Variants in CYB5R3 observed in about 807,000 individuals in gnomAD.
CYB5R3 encodes the protein cytochrome b5 reductase 3, also known as NADH-cytochrome b5 reductase 3.
A neutral mutation model predicts 36.5 loss-of-function variants in CYB5R3; 28 were observed. That is an observed-to-expected ratio of 0.77 (90% CI 0.57 to 1.05). The LOEUF is 1.05. CYB5R3 is among the 50% of genes least tolerant of loss of function. CYB5R3 has a pLI of 0.00. For missense variants in CYB5R3, 474 were observed against 408.9 expected (o/e 1.16, Z -1.37); for synonymous variants, 181 against 159.8 (o/e 1.13, Z -1.00).
Position 42,644,758 on chromosome 22 carries a change from C to T in CYB5R3, c.21+4537G>A, listed in dbSNP as rs1302165867. 4 of 592,970 alleles carry T rather than the reference C, an allele frequency of 6.7e-6. No homozygotes were observed. The Admixed American group carries it at 1.9e-4, about 28-fold the overall frequency. The allele number at this position is 592,970 out of a possible 1,614,324, so 36.7% of individuals were successfully genotyped here. A position where few individuals can be genotyped will look rare whatever the true frequency, so the allele number is the denominator to read the frequency against. The stretch of plus-strand genomic sequence containing the variant: ...AAATCACCATTGTTGGGGGCCCTGG[C>T]AATGAACTTGAATGACATTAGGAGC... On this transcript the variant is annotated intron_variant, in intron 1 of 8. Coordinates refer to ENST00000352397, the MANE Select transcript of CYB5R3 (RefSeq NM_000398.7).
chr22:42,625,058 A>AGGACAG (rs922712694), intron 7 of CYB5R3, among the ~76,000 whole-genome samples: 7 of 152,316 alleles, frequency 4.6e-5, no homozygotes, highest in East Asian at 3.9e-4. Flanking sequence ...TAATGGGGTG[A>AGGACAG]GGACAGGGAC....
intron 1 of CYB5R3, among the ~76,000 whole-genome samples, chr22:42,642,227 C>G (rs2146907283): frequency 6.6e-6 from 1 of 151,752 alleles, no homozygotes; most frequent in East Asian, 1.9e-4. Flanking sequence ...TCCTCCCAGC[C>G]CAGTCCCCGA....
intron 4 of CYB5R3, among the ~76,000 whole-genome samples, chr22:42,628,982 G>A (rs1928462539): frequency 2.0e-5 from 3 of 152,054 alleles, no homozygotes; most frequent in Non-Finnish European, 4.4e-5. Flanking sequence ...GGACAGGCAG[G>A]CAGAGCACAC....
At chr22:42,620,016 A>G (rs1301108230) in intron 8 of CYB5R3, 71 bp from the exon 9 acceptor site, 9 of 1,416,120 alleles carry the variant, frequency 6.4e-6, no homozygotes, top group Non-Finnish European at 3.9e-6. Context: ...GACCAACCCT[A>G]GGCGGTGAAT....
At chr22:42,640,281 G>A (rs2146902435) in intron 1 of CYB5R3, 1 of 1,550,396 alleles carries the variant, frequency 6.4e-7, no homozygotes, top group East Asian at 2.4e-5. Context: ...CCATGGTTCT[G>A]GGATGGAAAG....
At chr22:42,634,610 C>G (rs1475597655) in intron 2 of CYB5R3, among the ~76,000 whole-genome samples, 1 of 149,026 alleles carries the variant, frequency 6.7e-6, no homozygotes, top group Non-Finnish European at 1.5e-5. Context: ...CCACGCCCGG[C>G]TAATTTTCAT....
Position 42,618,014 on chromosome 22 carries a change from A to C in CYB5R3, c.*1759T>G, listed in dbSNP as rs1237744256. 2.6e-5 allele frequency: 4 copies of C among 152,112 alleles called. No homozygotes were observed. The highest frequency in any genetic ancestry group is 4.8e-5 in the African/African-American group (2 of 41,332). The allele number at this position is 152,112 out of a possible 1,614,324, so 9.4% of individuals were successfully genotyped here. A position where few individuals can be genotyped will look rare whatever the true frequency, so the allele number is the denominator to read the frequency against. On this transcript the variant is annotated 3_prime_UTR_variant, in exon 9 of 9. Coordinates refer to ENST00000352397, the MANE Select transcript of CYB5R3 (RefSeq NM_000398.7). ...TGCCCCGTTTTAAGAACAGCCCCAC[A>C]CCCACCTTGCCTCATCACCTCTGTA...
At chr22:42,629,779 C>T (rs1339828781) in intron 4 of CYB5R3, among the ~76,000 whole-genome samples, 6 of 152,156 alleles carry the variant, frequency 3.9e-5, no homozygotes, top group Admixed American at 3.9e-4. Flanking sequence ...CTGCTTCTCA[C>T]CCTCTGTTCT....
chr22:42,641,265 T>A (rs893106914), intron 1 of CYB5R3, among the ~76,000 whole-genome samples: 1 of 152,206 alleles, frequency 6.6e-6, no homozygotes, highest in Non-Finnish European at 1.5e-5. Context: ...TAGTCAATAG[T>A]ATATTAGTAG....
intron 1 of CYB5R3, among the ~76,000 whole-genome samples, chr22:42,643,360 G>C (rs550351956): frequency 6.6e-6 from 1 of 152,146 alleles, no homozygotes; most frequent in South Asian, 2.1e-4. Context: ...CCACCCTCAC[G>C]GGGCCACTAC....
rs147709184 is a variant in CYB5R3 at position 42,621,477 on chromosome 22, G to A, written c.734-1532C>T. Among the ~76,000 whole-genome samples, 737 of 152,260 alleles carry A rather than the reference G, an allele frequency of 4.8e-3. 5 individuals carry two copies. Among genetic ancestry groups the A allele is most frequent in the Non-Finnish European group, 7.7e-3 (527 of 68,012 alleles). On this transcript the variant is annotated intron_variant, in intron 8 of 8. Coordinates refer to ENST00000352397, the MANE Select transcript of CYB5R3 (RefSeq NM_000398.7). Reference sequence around the variant, plus strand: ...GTCCTTGGGGCTCTCCTCATCCTTCGCTTAGCTACGGTACAGCCAGACTGG... The same window carrying A: ...GTCCTTGGGGCTCTCCTCATCCTTCACTTAGCTACGGTACAGCCAGACTGG...
chr22:42,624,682 A>G (rs1247739259), intron 7 of CYB5R3, among the ~76,000 whole-genome samples: 1 of 144,906 alleles, frequency 6.9e-6, no homozygotes, highest in Non-Finnish European at 1.5e-5. Flanking sequence ...GGGGCTCCTT[A>G]GGTCAGTGTG....
At chr22:42,649,148 G>A in intron 1 of CYB5R3, 147 bp downstream of exon 1, 1 of 219,778 alleles carries the variant, frequency 4.6e-6, no homozygotes, top group Non-Finnish European at 8.1e-6. Context: ...GGGGTGGGGT[G>A]GGGCGCGGCG....
intron 1 of CYB5R3, 21 bp downstream of exon 1, chr22:42,649,274 C>T (rs1929660303): frequency 2.0e-6 from 2 of 992,672 alleles, no homozygotes; most frequent in Non-Finnish European, 2.4e-6. Flanking sequence ...CCCGCGGCCC[C>T]GGCGCCCCCT....
At chr22:42,628,395 GC>G in intron 4 of CYB5R3, 114 bp from the exon 5 acceptor site, 3 of 1,374,816 alleles carry the variant, frequency 2.2e-6, no homozygotes, top group Non-Finnish European at 3.1e-6. Flanking sequence ...CCCACACATG[GC>G]CTTCTCCCGT....
chr22:42,621,131 C>A (rs1927939031), intron 8 of CYB5R3, among the ~76,000 whole-genome samples: 1 of 151,850 alleles, frequency 6.6e-6, no homozygotes, highest in Non-Finnish European at 1.5e-5. Context: ...TGCTAGTGTA[C>A]AAAATGTGCA....
chr22:42,638,355 C>T (rs1442979722), intron 1 of CYB5R3, among the ~76,000 whole-genome samples: 2 of 129,124 alleles, frequency 1.5e-5, no homozygotes, highest in Non-Finnish European at 3.1e-5. Flanking sequence ...AAGATCATGC[C>T]ATTGCACTCC....
Position 42,649,343 on chromosome 22 carries a change from C to A in CYB5R3, c.-28G>T. 1 of 829,018 alleles carries A rather than the reference C, an allele frequency of 1.2e-6. No homozygotes were observed. The highest frequency in any genetic ancestry group is 1.5e-6 in the Non-Finnish European group (1 of 676,118). 51.4% of individuals were successfully genotyped at this position (829,018 alleles called of 1,614,324 possible). On this transcript the variant is annotated 5_prime_UTR_variant, in exon 1 of 9. Transcript: ENST00000352397. ...TGGCCCCGCGCCGCGCTCGCTCTGT[C>A]GCCGCCGCCGCCGCCGCCGAGACCG...
At chr22:42,634,642 T>G (rs1026074012) in intron 2 of CYB5R3, among the ~76,000 whole-genome samples, 3 of 148,422 alleles carry the variant, frequency 2.0e-5, no homozygotes, top group African/African-American at 7.5e-5. Flanking sequence ...GATTGATTGA[T>G]TGAGACAGCG....
Sources: gnomAD v4.1 joint callset for allele counts (sites outside exome capture counted in the v4.1 genomes callset) on GRCh38, gnomAD v4.1.1 for gene constraint, MANE v1.5 for transcripts, NCBI Gene and HGNC (gene_info 2026-07-23, HGNC 2026-07-21) for gene names.